Variants in SLC39A11 observed in about 807,000 individuals in gnomAD.
SLC39A11 encodes the protein solute carrier family 39 member 11.
SLC39A11 carries 33 observed loss-of-function variants against 36.1 expected under a neutral mutation model. That is an observed-to-expected ratio of 0.91 (90% CI 0.69 to 1.22). SLC39A11 has a LOEUF of 1.22. Ranked by LOEUF, SLC39A11 falls within the 50% of genes most tolerant of loss-of-function variation. SLC39A11 has a pLI of 0.00. For synonymous variants in SLC39A11, 166 were observed against 170.3 expected (o/e 0.97, Z 0.20); for missense variants, 432 against 430.3 (o/e 1.00, Z -0.03).
intron 6 of SLC39A11, among the ~76,000 whole-genome samples, chr17:72,813,217 T>C (rs2077484539): frequency 6.6e-6 from 1 of 152,242 alleles, no homozygotes; most frequent in Non-Finnish European, 1.5e-5. Context: ...ATGCTTTAGC[T>C]GGCCAGAGAT....
chr17:72,700,802 C>A (rs1395234537), intron 7 of SLC39A11, among the ~76,000 whole-genome samples: 2 of 152,188 alleles, frequency 1.3e-5, no homozygotes, highest in African/African-American at 4.8e-5. Context: ...AGAGTGACAG[C>A]CAAGCGAAAC....
intron 4 of SLC39A11, among the ~76,000 whole-genome samples, chr17:73,006,679 TGCACACAC>T (rs1555675562): frequency 1.5e-5 from 2 of 132,728 alleles, no homozygotes; most frequent in Non-Finnish European, 3.4e-5. Context: ...CACACACACA[TGCACACAC>T]GCACCCCTAC....
chr17:72,716,266 G>A (rs967287842), intron 7 of SLC39A11, among the ~76,000 whole-genome samples: 1 of 152,024 alleles, frequency 6.6e-6, no homozygotes, highest in East Asian at 1.9e-4. Flanking sequence ...GGAATTACAC[G>A]GAAGAAAGGA....
chr17:73,004,322 G>T (rs558512990), intron 4 of SLC39A11, among the ~76,000 whole-genome samples: 31 of 152,300 alleles, frequency 2.0e-4, no homozygotes, highest in Non-Finnish European at 4.3e-4. Flanking sequence ...AGAAGTCCGA[G>T]ATCAGGGTGC....
chr17:72,652,580 G>A (rs1164066278), intron 7 of SLC39A11, among the ~76,000 whole-genome samples: 1 of 152,168 alleles, frequency 6.6e-6, no homozygotes, highest in Non-Finnish European at 1.5e-5. Context: ...TGAGGTTGCA[G>A]CGTGAAATAA....
At chr17:72,905,447 A>G (rs571328721) in intron 5 of SLC39A11, among the ~76,000 whole-genome samples, 4 of 151,984 alleles carry the variant, frequency 2.6e-5, no homozygotes, top group Non-Finnish European at 5.9e-5. Context: ...TACACAAAAA[A>G]TTACCCAGGT....
chr17:73,064,482 T>C (rs1248489346), intron 3 of SLC39A11, among the ~76,000 whole-genome samples: 1 of 152,148 alleles, frequency 6.6e-6, no homozygotes, highest in African/African-American at 2.4e-5. Flanking sequence ...GCCTGGAGGT[T>C]AAAGGACTTG....
At chr17:72,705,627 G>A (rs1479795215) in intron 7 of SLC39A11, among the ~76,000 whole-genome samples, 9 of 152,222 alleles carry the variant, frequency 5.9e-5, no homozygotes, top group South Asian at 2.1e-4. Flanking sequence ...ACTCGATGGC[G>A]GAGGTTGGAT....
rs1156824050 is a variant in SLC39A11 at position 72,785,596 on chromosome 17, G to T, written c.602-48877C>A. On this transcript the variant is annotated intron_variant, in intron 6 of 9. Transcript: ENST00000255559. Reference sequence around the variant, plus strand: ...GATGCTTCCACCAGATGCCCTCAAAGCTTTCAGAGAAGCCAGGGCACAATT... The same window carrying T: ...GATGCTTCCACCAGATGCCCTCAAATCTTTCAGAGAAGCCAGGGCACAATT... Among the ~76,000 whole-genome samples the T allele has an allele frequency of 1.3e-5, 2 of 152,230 alleles. 1 individual carries two copies.
chr17:72,966,702 T>A (rs2087008173), intron 4 of SLC39A11, among the ~76,000 whole-genome samples: 2 of 152,144 alleles, frequency 1.3e-5, no homozygotes, highest in Admixed American at 6.5e-5. Context: ...CCCGAGTAGC[T>A]GGGACTACAG....
intron 4 of SLC39A11, among the ~76,000 whole-genome samples, chr17:72,957,883 A>G (rs1013121505): frequency 4.6e-5 from 7 of 152,022 alleles, no homozygotes; most frequent in Admixed American, 3.9e-4. Flanking sequence ...CCAGCTATTC[A>G]GGAGGCTAAG....
intron 4 of SLC39A11, among the ~76,000 whole-genome samples, chr17:72,992,092 C>T (rs2089218982): frequency 6.6e-6 from 1 of 152,160 alleles, no homozygotes; most frequent in Admixed American, 6.5e-5. Context: ...CGGCTCACAC[C>T]TGTAATCCCA....
chr17:72,953,864 T>C (rs535670849), intron 4 of SLC39A11, among the ~76,000 whole-genome samples: 1 of 152,230 alleles, frequency 6.6e-6, no homozygotes, highest in South Asian at 2.1e-4. Context: ...AAGCAACCTG[T>C]GATGATTGTC....
chr17:72,907,894 T>G (rs1272221233), intron 5 of SLC39A11, among the ~76,000 whole-genome samples: 1 of 151,974 alleles, frequency 6.6e-6, no homozygotes, highest in Non-Finnish European at 1.5e-5. Flanking sequence ...AGGGGAGAAG[T>G]GGAAGGAGGA....
intron 6 of SLC39A11, among the ~76,000 whole-genome samples, chr17:72,829,701 G>T (rs1285648367): frequency 6.6e-6 from 1 of 152,086 alleles, no homozygotes; most frequent in East Asian, 1.9e-4. Flanking sequence ...AAAATCCCTT[G>T]TCTCTTCTAC....
chr17:73,050,717 G>C (rs1195267199), intron 3 of SLC39A11, among the ~76,000 whole-genome samples: 1 of 152,034 alleles, frequency 6.6e-6, no homozygotes, highest in African/African-American at 2.4e-5. Context: ...CGCCCATCTC[G>C]GCCTCCCAAA....
intron 7 of SLC39A11, among the ~76,000 whole-genome samples, chr17:72,726,896 CCTCCTT>C: frequency 1.3e-5 from 2 of 152,130 alleles, no homozygotes; most frequent in Non-Finnish European, 2.9e-5. Context: ...ATCAACCATG[CCTCCTT>C]TACCAAGTGT....
intron 4 of SLC39A11, among the ~76,000 whole-genome samples, chr17:73,009,901 C>G (rs541455117): frequency 1.3e-5 from 2 of 151,548 alleles, no homozygotes; most frequent in Non-Finnish European, 2.9e-5. Flanking sequence ...CCCCACCCCA[C>G]GACAGGCCCC....
chr17:72,779,597 T>C (rs2076242974), intron 6 of SLC39A11, among the ~76,000 whole-genome samples: 2 of 152,282 alleles, frequency 1.3e-5, no homozygotes, highest in Non-Finnish European at 2.9e-5. Flanking sequence ...ATCGCTCTCT[T>C]TGTTACAGCT....
Sources: allele counts gnomAD v4.1 joint callset (sites outside exome capture counted in the v4.1 genomes callset), GRCh38; gene constraint gnomAD v4.1.1; transcripts MANE v1.5; gene names NCBI Gene and HGNC (gene_info 2026-07-23, HGNC 2026-07-21).